FARS2: variants seen among roughly 807,000 people sequenced by gnomAD.
FARS2 encodes the protein phenylalanine--tRNA ligase, mitochondrial.
A neutral mutation model predicts 46.4 loss-of-function variants in FARS2; 40 were observed. The observed-to-expected ratio is 0.86, with a 90% confidence interval of 0.67 to 1.12. The LOEUF is 1.12. Ranked by LOEUF, FARS2 falls within the 50% of genes most tolerant of loss-of-function variation. The pLI, the probability that FARS2 is intolerant of heterozygous loss-of-function variation, is 0.00. For missense variants in FARS2, 513 were observed against 567.9 expected (o/e 0.90, Z 0.98); for synonymous variants, 234 against 214.9 (o/e 1.09, Z -0.78).
At chr6:5,685,239 C>T (rs1258144462) in intron 6 of FARS2, among the ~76,000 whole-genome samples, 1 of 152,110 alleles carries the variant, frequency 6.6e-6, no homozygotes, top group Non-Finnish European at 1.5e-5. Flanking sequence ...TTCCCTTGTA[C>T]GTATAGTTGC....
rs533534023 is a variant in FARS2 at position 5,384,615 on chromosome 6, G to A, written c.612+15433G>A. Among the ~76,000 whole-genome samples, 63 of 152,302 alleles carry A rather than the reference G, an allele frequency of 4.1e-4. No individual in the cohort carries two copies. The South Asian group carries it at 0.012, about 30-fold the overall frequency. On this transcript the variant is annotated intron_variant, in intron 2 of 6. Transcript: ENST00000274680. ...TTTTCTGTCATGGAGGCTTAAGTAG[G>A]GGGAGATATGGACAGGCCATGTTGG...
At chr6:5,399,034 G>A (rs189907229) in intron 2 of FARS2, among the ~76,000 whole-genome samples, 158 of 151,506 alleles carry the variant, frequency 1.0e-3, no homozygotes, top group African/African-American at 3.8e-3. Context: ...CTCTCTTTAA[G>A]TGGCTGTCAT....
At chr6:5,688,609 A>G (rs1438674295) in intron 6 of FARS2, among the ~76,000 whole-genome samples, 2 of 151,990 alleles carry the variant, frequency 1.3e-5, no homozygotes, top group Non-Finnish European at 2.9e-5. Flanking sequence ...TTGCCAGTAT[A>G]TTATTGAGGA....
rs1191303401 is a variant in FARS2, at chr6:5,630,875, G to A, written c.1217+17555G>A. ...ATTAAGACCTGAAAATATGAATGGA[G>A]TCTGAGCGATGCTTTGATCAGCATT... On this transcript the variant is annotated intron_variant, in intron 6 of 6. Coordinates refer to ENST00000274680, the MANE Select transcript of FARS2 (RefSeq NM_006567.5). This position sits in a 1 kb window ranked among gnomAD's most constrained non-coding sequence, Gnocchi z 4.2. Among the ~76,000 whole-genome samples the A allele has an allele frequency of 6.6e-6, 1 of 152,212 alleles. No individual in the cohort carries two copies. Among genetic ancestry groups the A allele is most frequent in the Non-Finnish European group, 1.5e-5 (1 of 68,040 alleles).
intron 1 of FARS2, among the ~76,000 whole-genome samples, chr6:5,354,942 C>A (rs931999823): frequency 2.6e-5 from 4 of 152,120 alleles, no homozygotes; most frequent in Non-Finnish European, 5.9e-5. Flanking sequence ...AATCTAACAT[C>A]TTCTCTGGTG....
rs775437470 is a variant in FARS2 at position 5,625,810 on chromosome 6, G to A, written c.1217+12490G>A. On this transcript the variant is annotated intron_variant, in intron 6 of 6. Transcript: ENST00000274680. ...ATCAGCAAGGCTGCCCGCCTGCCCT[G>A]ATGGTGAGCCGCTGGCCAGGCTCCA... 2.4e-4 allele frequency among the ~76,000 whole-genome samples: 37 copies of A among 152,206 alleles called. 1 individual carries two copies. Among genetic ancestry groups the A allele is most frequent in the Non-Finnish European group, 1.5e-4 (10 of 68,042 alleles).
chr6:5,623,724 T>A (rs113911990), intron 6 of FARS2, among the ~76,000 whole-genome samples: 3,214 of 132,700 alleles, frequency 0.024, 159 homozygotes, highest in African/African-American at 0.12. Flanking sequence ...AAAAAATAAA[T>A]AAATAAAATA....
intron 1 of FARS2, among the ~76,000 whole-genome samples, chr6:5,296,694 T>C (rs1047218155): frequency 3.9e-5 from 6 of 152,246 alleles, no homozygotes; most frequent in African/African-American, 1.4e-4. Flanking sequence ...TTTCATCTGA[T>C]TTATTTCAGT....
chr6:5,470,232 A>T (rs1329542163), intron 4 of FARS2, among the ~76,000 whole-genome samples: 2 of 152,272 alleles, frequency 1.3e-5, no homozygotes, highest in African/African-American at 2.4e-5. Flanking sequence ...AGGAAAAAAA[A>T]TGCAAGTAAA....
chr6:5,465,803 CT>C (rs532600725), intron 4 of FARS2, among the ~76,000 whole-genome samples: 84 of 151,694 alleles, frequency 5.5e-4, no homozygotes, highest in African/African-American at 1.1e-3. Context: ...GCATCATTAG[CT>C]TTTTTTATTT....
chr6:5,580,602 G>T (rs891131071), intron 5 of FARS2, among the ~76,000 whole-genome samples: 1 of 152,146 alleles, frequency 6.6e-6, no homozygotes, highest in African/African-American at 2.4e-5. Context: ...TGTAAAGTGG[G>T]TATAATGCCT....
chr6:5,468,578 C>T (rs1003378770), intron 4 of FARS2, among the ~76,000 whole-genome samples: 7 of 152,142 alleles, frequency 4.6e-5, no homozygotes, highest in African/African-American at 1.7e-4. Flanking sequence ...GAATCTGTTT[C>T]AAAGAGGGCC....
At position 5,749,208 on chromosome 6, in the gene FARS2, G is replaced by A. The variant is rs535764714; in HGVS notation, c.1218-22083G>A. Reference sequence around the variant, plus strand: ...GGGAGTGGGAGCAGCCTGTGAGAATGCCTCCAAGAACACGCCAAAGGGCTG... The same window carrying A: ...GGGAGTGGGAGCAGCCTGTGAGAATACCTCCAAGAACACGCCAAAGGGCTG... On this transcript the variant is annotated intron_variant, in intron 6 of 6. Transcript: ENST00000274680. 1.4e-4 allele frequency among the ~76,000 whole-genome samples: 22 copies of A among 152,372 alleles called. 1 individual carries two copies. Among genetic ancestry groups the A allele is most frequent in the African/African-American group, 4.8e-4 (20 of 41,600 alleles).
At chr6:5,315,737 T>TCCTTC (rs1554162002) in intron 1 of FARS2, among the ~76,000 whole-genome samples, 1 of 148,620 alleles carries the variant, frequency 6.7e-6, no homozygotes, top group Admixed American at 6.7e-5. Flanking sequence ...TTTCTTTCTT[T>TCCTTC]TTTCCTTTCT....
At chr6:5,767,856 G>T (rs1762832578) in intron 6 of FARS2, among the ~76,000 whole-genome samples, 2 of 152,224 alleles carry the variant, frequency 1.3e-5, no homozygotes, top group South Asian at 2.1e-4. Flanking sequence ...GCTAAAAGAG[G>T]CTGCATTGGG....
At chr6:5,724,957 G>T (rs185131213) in intron 6 of FARS2, among the ~76,000 whole-genome samples, 3 of 152,238 alleles carry the variant, frequency 2.0e-5, no homozygotes, top group African/African-American at 7.2e-5. Flanking sequence ...AGACTAAAAC[G>T]TAGTGGGGCA....
intron 1 of FARS2, among the ~76,000 whole-genome samples, chr6:5,265,222 T>C (rs1765472888): frequency 6.6e-6 from 1 of 152,194 alleles, no homozygotes; most frequent in East Asian, 1.9e-4. Context: ...AGAAGGTGTT[T>C]CCAGAATGAG....
rs9502325 is a variant in FARS2, at chr6:5,637,718, A to G, written c.1217+24398A>G. ...CAGTCCTGGAGGCTGGAAGTCCAAGATCAAGGTGTGGGCAGAGTTAATTTC... is the reference window on the plus strand; with the variant it reads ...CAGTCCTGGAGGCTGGAAGTCCAAGGTCAAGGTGTGGGCAGAGTTAATTTC... On this transcript the variant is annotated intron_variant, in intron 6 of 6. Transcript: ENST00000274680. Among the ~76,000 whole-genome samples, 1,518 of 152,264 alleles carry G rather than the reference A, an allele frequency of 1.0e-2. 24 individuals are homozygous for G. The highest frequency in any genetic ancestry group is 0.034 in the African/African-American group (1,429 of 41,540).
chr6:5,592,438 C>G (rs577465879), intron 5 of FARS2, among the ~76,000 whole-genome samples: 1 of 151,882 alleles, frequency 6.6e-6, no homozygotes, highest in South Asian at 2.1e-4. Flanking sequence ...AAAAACAAAC[C>G]TGCCATATTT....
Sources: gnomAD v4.1 joint callset for allele counts (sites outside exome capture counted in the v4.1 genomes callset) on GRCh38, gnomAD v4.1.1 for gene constraint, Gnocchi (gnomAD v3.1) non-coding constraint, MANE v1.5 for transcripts, NCBI Gene and HGNC (gene_info 2026-07-23, HGNC 2026-07-21) for gene names.